KLHL20: variants seen among roughly 807,000 people sequenced by gnomAD.
KLHL20 encodes kelch like family member 20, also known as kelch-like protein 20.
Under a neutral mutation model 69.5 loss-of-function variants are expected in KLHL20, and 29 were observed. The observed-to-expected ratio is 0.42, with a 90% confidence interval of 0.31 to 0.57. KLHL20 has a LOEUF of 0.57. Among genes scored for constraint, KLHL20 ranks in the 20% least tolerant of loss-of-function variants. The pLI is 0.18. For synonymous variants in KLHL20, 253 were observed against 265.2 expected, an observed-to-expected ratio of 0.95 and a Z score of 0.45; for missense variants, 419 against 776.0, an observed-to-expected ratio of 0.54 and a Z score of 5.47.
intron 7 of KLHL20, 26 bp downstream of exon 7, chr1:173,757,185 C>A (rs902499225): frequency 1.3e-6 from 2 of 1,568,732 alleles, no homozygotes; most frequent in Non-Finnish European, 1.7e-6. Context: ...CTGTAATTTT[C>A]TCTCTACTAT....
chr1:173,747,381 CTT>C (rs1328822052), intron 3 of KLHL20, among the ~76,000 whole-genome samples: 1 of 151,932 alleles, frequency 6.6e-6, no homozygotes, highest in African/African-American at 2.4e-5. Context: ...TAAATTGTGA[CTT>C]TGAGCTTTGT....
At chr1:173,762,897 A>G (rs1316792566) in intron 7 of KLHL20, among the ~76,000 whole-genome samples, 1 of 152,124 alleles carries the variant, frequency 6.6e-6, no homozygotes, top group Non-Finnish European at 1.5e-5. Flanking sequence ...AAGAGAAAGA[A>G]ATAAAGGGCA....
At chr1:173,744,705 C>G (rs1306557463) in intron 3 of KLHL20, among the ~76,000 whole-genome samples, 2 of 152,034 alleles carry the variant, frequency 1.3e-5, no homozygotes, top group African/African-American at 4.8e-5. Flanking sequence ...TATTTAAAAG[C>G]CTTTCTTTGC....
At chr1:173,719,969 A>G (rs1267874224) in intron 2 of KLHL20, among the ~76,000 whole-genome samples, 1 of 152,002 alleles carries the variant, frequency 6.6e-6, no homozygotes, top group East Asian at 1.9e-4. Context: ...ATGATACAGT[A>G]TTGGCGTGGT....
chr1:173,735,762 T>C (rs1403072135), intron 3 of KLHL20, among the ~76,000 whole-genome samples: 1 of 151,924 alleles, frequency 6.6e-6, no homozygotes, highest in East Asian at 1.9e-4. Context: ...CTCCCACACT[T>C]CCCCCTGAAT....
chr1:173,763,890 G>T (rs1392810760), intron 7 of KLHL20, among the ~76,000 whole-genome samples: 1 of 150,174 alleles, frequency 6.7e-6, no homozygotes, highest in Non-Finnish European at 1.5e-5. Flanking sequence ...AAACAGCTGG[G>T]ACCTAATTAA....
At chr1:173,716,164 G>T in intron 2 of KLHL20, 98 bp downstream of exon 2, 7 of 1,112,962 alleles carry the variant, frequency 6.3e-6, no homozygotes, top group Non-Finnish European at 9.4e-6. Flanking sequence ...ACTAAATTCT[G>T]CTTGGAACTA....
At chr1:173,741,916 T>G in intron 3 of KLHL20, 1 of 1,257,670 alleles carries the variant, frequency 8.0e-7, no homozygotes, top group Non-Finnish European at 1.1e-6. Context: ...TTCCTTCAGA[T>G]GAAAGCAGCA....
Position 173,733,755 on chromosome 1 carries a change from A to G in KLHL20, c.66A>G (p.Thr22=). 6.2e-7 allele frequency: 1 copy of G among 1,614,094 alleles called. No individual in the cohort carries two copies. The highest frequency in any genetic ancestry group is 1.1e-5 in the South Asian group (1 of 91,074). ...CAGGAGAGACTGGAATGGATGTAAC[A>G]AGCCGCTGCACCCTTGGAGACCCCA... ...IRPGETGMDV[T]SRCTLGDPNK... The change falls in exon 3 of 12, where the codon ACA becomes ACG. Residue 22 remains threonine, a synonymous_variant. Transcript: ENST00000209884.
At chr1:173,769,739 C>G (rs954025484) in intron 8 of KLHL20, among the ~76,000 whole-genome samples, 5 of 149,260 alleles carry the variant, frequency 3.3e-5, no homozygotes, top group African/African-American at 1.2e-4. Context: ...CATGATTGCT[C>G]CACTGCACTC....
At chr1:173,755,374 A>G (rs1392620066) in intron 5 of KLHL20, among the ~76,000 whole-genome samples, 1 of 152,186 alleles carries the variant, frequency 6.6e-6, no homozygotes, top group African/African-American at 2.4e-5. Flanking sequence ...TGTAATTACT[A>G]GACTCTTCTC....
At chr1:173,718,271 GC>G (rs1165460486) in intron 2 of KLHL20, among the ~76,000 whole-genome samples, 1 of 151,864 alleles carries the variant, frequency 6.6e-6, no homozygotes, top group Non-Finnish European at 1.5e-5. Flanking sequence ...AGGCACAGTG[GC>G]TCACACCTGT....
chr1:173,779,571 A>T (rs1346477982), intron 10 of KLHL20, among the ~76,000 whole-genome samples: 1 of 151,898 alleles, frequency 6.6e-6, no homozygotes. Flanking sequence ...GGCTGGTCTC[A>T]AACTCCTGAC....
At chr1:173,758,005 T>G (rs550597555) in intron 7 of KLHL20, among the ~76,000 whole-genome samples, 1 of 152,322 alleles carries the variant, frequency 6.6e-6, no homozygotes, top group Admixed American at 6.5e-5. Flanking sequence ...CATATCAAGT[T>G]CTAAAGATAT....
intron 7 of KLHL20, among the ~76,000 whole-genome samples, chr1:173,765,938 T>G (rs894064983): frequency 2.0e-5 from 3 of 152,136 alleles, no homozygotes; most frequent in African/African-American, 7.2e-5. Flanking sequence ...ATCAATAATA[T>G]TCTGATTTTT....
intron 8 of KLHL20, among the ~76,000 whole-genome samples, chr1:173,773,620 G>A (rs1648251721): frequency 2.0e-5 from 3 of 151,582 alleles, no homozygotes; most frequent in African/African-American, 4.8e-5. Flanking sequence ...CCACTACAAC[G>A]ACTAGGAAAA....
intron 2 of KLHL20, among the ~76,000 whole-genome samples, chr1:173,717,162 A>G (rs1391728617): frequency 6.6e-6 from 1 of 152,220 alleles, no homozygotes; most frequent in Non-Finnish European, 1.5e-5. Flanking sequence ...CATTATTGCA[A>G]AACCCACTGA....
At chr1:173,752,105 G>A (rs971904740) in intron 4 of KLHL20, among the ~76,000 whole-genome samples, 183 bp downstream of exon 4, 2 of 151,918 alleles carry the variant, frequency 1.3e-5, no homozygotes, top group East Asian at 1.9e-4. Context: ...GCATTGTGGC[G>A]GGCGCCTGTA....
At chr1:173,780,992 TGAGA>T (rs752898073) in intron 10 of KLHL20, among the ~76,000 whole-genome samples, 2 of 119,372 alleles carry the variant, frequency 1.7e-5, no homozygotes, top group South Asian at 2.7e-4. Context: ...ACCCTGTGAG[TGAGA>T]GAGAGAGAGG....
Sources: gnomAD v4.1 joint callset for allele counts (sites outside exome capture counted in the v4.1 genomes callset) on GRCh38, gnomAD v4.1.1 for gene constraint, MANE v1.5 for transcripts, NCBI Gene and HGNC (gene_info 2026-07-23, HGNC 2026-07-21) for gene names.